The following MACROD2 variants were observed in gnomAD, a reference collection of about 807,000 sequenced individuals.
MACROD2 encodes ADP-ribose glycohydrolase MACROD2.
Under a neutral mutation model 70.4 loss-of-function variants are expected in MACROD2, and 36 were observed. That is an observed-to-expected ratio of 0.51 (90% CI 0.39 to 0.68). The LOEUF is 0.68. Ranked by LOEUF, MACROD2 falls within the 30% of genes least tolerant of loss-of-function variation. MACROD2 has a pLI of 0.00. For missense variants in MACROD2, 496 were observed against 538.4 expected, an observed-to-expected ratio of 0.92 and a Z score of 0.78; for synonymous variants, 172 against 178.8, an observed-to-expected ratio of 0.96 and a Z score of 0.30.
At chr20:15,647,208 CAT>C (rs1325850796) in intron 8 of MACROD2, among the ~76,000 whole-genome samples, 6 of 152,138 alleles carry the variant, frequency 3.9e-5, no homozygotes, top group African/African-American at 1.4e-4. Context: ...GTACAAATGT[CAT>C]AGAATTATTT....
chr20:15,667,721 T>G (rs1452396076), intron 8 of MACROD2, among the ~76,000 whole-genome samples: 1 of 152,220 alleles, frequency 6.6e-6, no homozygotes, highest in Non-Finnish European at 1.5e-5. Flanking sequence ...GGCTCTTTAC[T>G]GTTGTTACTG....
intron 5 of MACROD2, among the ~76,000 whole-genome samples, chr20:14,886,604 C>A (rs2073679044): frequency 6.6e-6 from 1 of 152,128 alleles, no homozygotes; most frequent in African/African-American, 2.4e-5. Flanking sequence ...TATCTCATTT[C>A]TGGGAGGAGA....
At chr20:15,361,414 G>A (rs2078350152) in intron 6 of MACROD2, among the ~76,000 whole-genome samples, 1 of 152,326 alleles carries the variant, frequency 6.6e-6, no homozygotes, top group Admixed American at 6.5e-5. Flanking sequence ...CTATTACGAT[G>A]TATTGATCTT....
chr20:15,435,285 AG>A (rs1320399542), intron 7 of MACROD2, among the ~76,000 whole-genome samples: 6 of 152,304 alleles, frequency 3.9e-5, no homozygotes, highest in African/African-American at 1.4e-4. Flanking sequence ...AAAATATTCA[AG>A]TATCTCATGA....
chr20:14,951,529 G>A (rs1425603048), intron 5 of MACROD2, among the ~76,000 whole-genome samples: 1 of 152,116 alleles, frequency 6.6e-6, no homozygotes, highest in Non-Finnish European at 1.5e-5. Flanking sequence ...TGAAGTAAGA[G>A]AGGAGTGGTG....
intron 15 of MACROD2, among the ~76,000 whole-genome samples, chr20:16,014,677 C>T (rs1168809274): frequency 7.9e-5 from 12 of 152,222 alleles, no homozygotes; most frequent in Admixed American, 7.8e-4. Context: ...CCTGGCTCCC[C>T]AGCCTAAGCA....
chr20:15,332,721 C>T (rs1422163969), intron 6 of MACROD2, among the ~76,000 whole-genome samples: 1 of 151,596 alleles, frequency 6.6e-6, no homozygotes, highest in Admixed American at 6.6e-5. Context: ...TTTATAGTTG[C>T]TTTGATATAT....
Position 15,758,319 on chromosome 20 carries a change from A to G in MACROD2, c.646-104426A>G, listed in dbSNP as rs6135493. 7.0e-3 allele frequency among the ~76,000 whole-genome samples: 1,039 copies of G among 148,472 alleles called. 36 individuals are homozygous for G. Among genetic ancestry groups the G allele is most frequent in the East Asian group, 0.051 (253 of 4,984 alleles). On this transcript the variant is annotated intron_variant, in intron 8 of 17. Transcript: ENST00000684519. ...AGTGGCGGGATCTTGGCTCACTGCAACCTCCGCCTTCTGGGTTCCAGCCAT... is the reference window on the plus strand; with the variant it reads ...AGTGGCGGGATCTTGGCTCACTGCAGCCTCCGCCTTCTGGGTTCCAGCCAT...
intron 5 of MACROD2, among the ~76,000 whole-genome samples, chr20:14,964,382 C>G (rs1449123056): frequency 2.0e-5 from 3 of 151,956 alleles, no homozygotes; most frequent in African/African-American, 2.4e-5. Flanking sequence ...ACCATCCTGG[C>G]TAACACGGTG....
chr20:15,748,716 A>C (rs2051223232), intron 8 of MACROD2, among the ~76,000 whole-genome samples: 2 of 152,034 alleles, frequency 1.3e-5, no homozygotes, highest in African/African-American at 2.4e-5. Context: ...ACAGGCTTCC[A>C]CTCAAGTGTA....
intron 5 of MACROD2, among the ~76,000 whole-genome samples, chr20:14,885,188 A>G (rs992618799): frequency 1.3e-5 from 2 of 152,134 alleles, no homozygotes; most frequent in African/African-American, 4.8e-5. Flanking sequence ...TATCTGTCTG[A>G]TACTACTAAT....
intron 8 of MACROD2, among the ~76,000 whole-genome samples, chr20:15,549,492 G>A (rs1281183112): frequency 6.6e-6 from 1 of 152,174 alleles, no homozygotes; most frequent in Non-Finnish European, 1.5e-5. Flanking sequence ...TTCTCATATT[G>A]TGTTATATAC....
chr20:14,178,548 ACT>A (rs923013155), intron 3 of MACROD2, among the ~76,000 whole-genome samples: 2 of 152,034 alleles, frequency 1.3e-5, no homozygotes, highest in Non-Finnish European at 2.9e-5. Flanking sequence ...AATAGGTAAG[ACT>A]CTGAAGAAAT....
chr20:15,557,921 G>C (rs184176125), intron 8 of MACROD2, among the ~76,000 whole-genome samples: 1 of 152,016 alleles, frequency 6.6e-6, no homozygotes, highest in African/African-American at 2.4e-5. Flanking sequence ...TCATAAAGAC[G>C]ACCACTCAGA....
At chr20:14,391,631 A>T (rs1005949537) in intron 3 of MACROD2, among the ~76,000 whole-genome samples, 1 of 151,752 alleles carries the variant, frequency 6.6e-6, no homozygotes, top group Non-Finnish European at 1.5e-5. Context: ...AAAAATTAAA[A>T]AAATTTAGCC....
intron 3 of MACROD2, among the ~76,000 whole-genome samples, chr20:14,279,874 C>T (rs960442549): frequency 6.6e-6 from 1 of 152,112 alleles, no homozygotes; most frequent in African/African-American, 2.4e-5. Context: ...GGAAACATTT[C>T]TAAGTTAGTT....
intron 6 of MACROD2, among the ~76,000 whole-genome samples, chr20:15,252,862 C>T (rs1157147197): frequency 6.6e-6 from 1 of 152,168 alleles, no homozygotes; most frequent in Non-Finnish European, 1.5e-5. Context: ...ATGCCACCTA[C>T]AGAGCCAGCT....
At chr20:15,749,361 A>T (rs1192077757) in intron 8 of MACROD2, among the ~76,000 whole-genome samples, 1 of 151,998 alleles carries the variant, frequency 6.6e-6, no homozygotes, top group Non-Finnish European at 1.5e-5. Context: ...TCTTTATAGC[A>T]CTTGTCACTA....
At chr20:14,879,499 A>G (rs1343574770) in intron 5 of MACROD2, among the ~76,000 whole-genome samples, 1 of 152,202 alleles carries the variant, frequency 6.6e-6, no homozygotes, top group Non-Finnish European at 1.5e-5. Context: ...TATGGAAGAG[A>G]TAAACAATGA....
Sources: gnomAD v4.1 joint callset for allele counts (sites outside exome capture counted in the v4.1 genomes callset) on GRCh38, gnomAD v4.1.1 for gene constraint, MANE v1.5 for transcripts, NCBI Gene and HGNC (gene_info 2026-07-23, HGNC 2026-07-21) for gene names.